MAP3K7CL: variants seen among roughly 807,000 people sequenced by gnomAD.
MAP3K7CL encodes the protein MAP3K7 C-terminal like, also known as MAP3K7 C-terminal-like protein.
A neutral mutation model predicts 18.6 loss-of-function variants in MAP3K7CL; 16 were observed. The observed-to-expected ratio is 0.86, with a 90% CI of 0.58 to 1.31. The LOEUF (loss-of-function observed/expected upper bound fraction) is 1.31. Among genes scored for constraint, MAP3K7CL ranks in the 50% most tolerant of loss-of-function variants. The pLI, the probability that MAP3K7CL is intolerant of heterozygous loss-of-function variation, is 0.00. For synonymous variants in MAP3K7CL, 65 were observed against 66.8 expected, an observed-to-expected ratio of 0.97 and a Z score of 0.13; for missense variants, 163 against 174.4, an observed-to-expected ratio of 0.93 and a Z score of 0.37.
intron 2 of MAP3K7CL, chr21:29,145,664 A>C (rs749120505): frequency 6.6e-6 from 1 of 152,230 alleles, no homozygotes; most frequent in Non-Finnish European, 1.5e-5. Flanking sequence ...CAGCTAAACC[A>C]GATGGCATCA....
At chr21:29,133,438 ATTGTT>A in intron 2 of MAP3K7CL, 24 bp downstream of exon 2, 1 of 1,496,266 alleles carries the variant, frequency 6.7e-7, no homozygotes, top group Non-Finnish European at 9.0e-7. Flanking sequence ...TGGAAGAAGG[ATTGTT>A]TCCTTCATAC....
Position 29,175,672 on chromosome 21 carries a change from ATGAAAACATC to A in MAP3K7CL, c.*781_*790del, listed in dbSNP as rs2087950282. The A allele has an allele frequency of 6.6e-6, 1 of 152,284 alleles. No individual in the cohort carries two copies. The highest frequency in any genetic ancestry group is 2.4e-5 in the African/African-American group (1 of 41,450). The allele number at this position is 152,284 out of a possible 1,614,324, so 9.4% of individuals were successfully genotyped here. A position where few individuals can be genotyped will look rare whatever the true frequency, so the allele number is the denominator to read the frequency against. On this transcript the variant is annotated 3_prime_UTR_variant, in exon 5 of 5. Transcript: ENST00000399928. ...TTGGACATTACTTGGGTGAGTGCCC[ATGAAAACATC>A]AGTGAACTTGTAACTATTGTTTTGT...
intron 4 of MAP3K7CL, among the ~76,000 whole-genome samples, chr21:29,167,691 C>A (rs2087723082): frequency 7.6e-6 from 1 of 130,820 alleles, no homozygotes; most frequent in African/African-American, 3.0e-5. Flanking sequence ...AGAGAAGGAC[C>A]AATTTTTTTT....
chr21:29,172,082 TA>T (rs2087847626), intron 4 of MAP3K7CL, among the ~76,000 whole-genome samples: 1 of 152,148 alleles, frequency 6.6e-6, no homozygotes, highest in Non-Finnish European at 1.5e-5. Flanking sequence ...TTCTCTCATT[TA>T]ACCATGGTAT....
chr21:29,159,122 C>T lies in MAP3K7CL; in HGVS notation c.133-819C>T, dbSNP rs111400424. On this transcript the variant is annotated intron_variant, in intron 3 of 4. Transcript: ENST00000399928. ...TTTTAGTAGAGATGGGTTTTCATCA[C>T]GTTGACCAGGCTGGTCTCGAATGCC... is the stretch of plus-strand genomic sequence containing the variant. 6.6e-3 allele frequency among the ~76,000 whole-genome samples: 1,007 copies of T among 152,098 alleles called. 9 individuals are homozygous for T. The highest frequency in any genetic ancestry group is 0.023 in the African/African-American group (958 of 41,490).
intron 2 of MAP3K7CL, among the ~76,000 whole-genome samples, chr21:29,134,348 A>G (rs1020855848): frequency 2.0e-5 from 3 of 152,102 alleles, no homozygotes; most frequent in Admixed American, 2.0e-4. Context: ...GGCAGACCTC[A>G]TCTCTATTTT....
chr21:29,099,561 C>G (rs1184483401), intron 4 of MAP3K7CL, among the ~76,000 whole-genome samples: 3 of 152,112 alleles, frequency 2.0e-5, no homozygotes, highest in African/African-American at 4.8e-5. Flanking sequence ...ACGCCCTTCC[C>G]CTGCTTTGTT....
intron 2 of MAP3K7CL, among the ~76,000 whole-genome samples, chr21:29,147,342 T>A (rs1001998802): frequency 9.9e-5 from 15 of 152,006 alleles, no homozygotes; most frequent in African/African-American, 3.6e-4. Context: ...TATATGTATC[T>A]GCACTGTGTA....
chr21:29,150,245 C>T (rs1216268896), intron 3 of MAP3K7CL, among the ~76,000 whole-genome samples: 1 of 152,210 alleles, frequency 6.6e-6, no homozygotes, highest in Non-Finnish European at 1.5e-5. Context: ...AGCCCTTCCG[C>T]AAGCCAAGAT....
At chr21:29,162,207 TG>T (rs1339388122) in intron 4 of MAP3K7CL, among the ~76,000 whole-genome samples, 1 of 151,976 alleles carries the variant, frequency 6.6e-6, no homozygotes, top group Non-Finnish European at 1.5e-5. Flanking sequence ...GTGTGAAGTG[TG>T]GTGGTATGAT....
intron 4 of MAP3K7CL, among the ~76,000 whole-genome samples, chr21:29,168,673 T>C (rs2087750759): frequency 6.6e-6 from 1 of 152,220 alleles, no homozygotes; most frequent in Non-Finnish European, 1.5e-5. Context: ...CCCGAAACTA[T>C]ATTAAATTTA....
chr21:29,081,693 G>A (rs545440185), upstream of MAP3K7CL, among the ~76,000 whole-genome samples: 3 of 152,256 alleles, frequency 2.0e-5, no homozygotes, highest in Admixed American at 1.3e-4. Context: ...GAATTCATCA[G>A]TTTACTGGTT....
intron 4 of MAP3K7CL, among the ~76,000 whole-genome samples, chr21:29,171,038 A>T (rs578072968): frequency 6.6e-6 from 1 of 151,858 alleles, no homozygotes; most frequent in Non-Finnish European, 1.5e-5. Context: ...ATTGACATTT[A>T]CTACCTAAGC....
intron 4 of MAP3K7CL, among the ~76,000 whole-genome samples, chr21:29,164,172 A>G (rs559173036): frequency 6.6e-6 from 1 of 152,182 alleles, no homozygotes; most frequent in Admixed American, 6.5e-5. Flanking sequence ...TTATAAATAC[A>G]TGAGCTTGGT....
intron 3 of MAP3K7CL, 53 bp downstream of exon 3, chr21:29,149,303 A>G (rs2087217038): frequency 6.5e-7 from 1 of 1,536,760 alleles, no homozygotes; most frequent in Admixed American, 1.7e-5. Context: ...CATAAAGTAT[A>G]GCGAGCTGGG....
chr21:29,133,417 A>G lies in MAP3K7CL; in HGVS notation c.70+3A>G. ...CTTTAGCCTCAATGACGCCTCAGGTATACTCTGCTCTGGAAGAAGGATTGT... is the reference window on the plus strand; with the variant it reads ...CTTTAGCCTCAATGACGCCTCAGGTGTACTCTGCTCTGGAAGAAGGATTGT... On this transcript the variant is annotated splice_donor_region_variant and intron_variant, in intron 2 of 4. Transcript: ENST00000399928. The G allele has an allele frequency of 1.9e-6, 3 of 1,539,126 alleles. No individual in the cohort carries two copies. The highest frequency in any genetic ancestry group is 2.4e-5 in the South Asian group (2 of 82,892).
intron 4 of MAP3K7CL, among the ~76,000 whole-genome samples, chr21:29,115,110 T>C (rs2086483533): frequency 6.6e-6 from 1 of 152,220 alleles, no homozygotes; most frequent in Non-Finnish European, 1.5e-5. Context: ...CTTCCTTTGA[T>C]GTGTCCCGCC....
intron 3 of MAP3K7CL, among the ~76,000 whole-genome samples, chr21:29,155,403 T>C (rs2087377062): frequency 6.6e-6 from 1 of 152,200 alleles, no homozygotes; most frequent in African/African-American, 2.4e-5. Flanking sequence ...GCCAGTAGTA[T>C]TCGCAGAAGC....
At chr21:29,147,246 A>G (rs925716331) in intron 2 of MAP3K7CL, among the ~76,000 whole-genome samples, 1 of 152,036 alleles carries the variant, frequency 6.6e-6, no homozygotes, top group Non-Finnish European at 1.5e-5. Flanking sequence ...ATGTATATGT[A>G]CTGTATATGT....
Sources: allele counts gnomAD v4.1 joint callset (sites outside exome capture counted in the v4.1 genomes callset), GRCh38; gene constraint gnomAD v4.1.1; transcripts MANE v1.5; gene names NCBI Gene and HGNC (gene_info 2026-07-23, HGNC 2026-07-21).